ARID1B: variants seen among roughly 807,000 people sequenced by gnomAD.
ARID1B encodes the protein AT-rich interactive domain-containing protein 1B.
A neutral mutation model predicts 212.3 loss-of-function variants in ARID1B; 30 were observed. That is an observed-to-expected ratio of 0.14 (90% CI 0.11 to 0.19). ARID1B has a LOEUF of 0.19. Among genes scored for constraint, ARID1B ranks in the 10% least tolerant of loss-of-function variants. The pLI, the probability that ARID1B is intolerant of heterozygous loss-of-function variation, is 1.00. For synonymous variants in ARID1B, 1,402 were observed against 1,301.7 expected, an observed-to-expected ratio of 1.08 and a Z score of -1.66; for missense variants, 2,891 against 3,204.0, an observed-to-expected ratio of 0.90 and a Z score of 2.36.
chr6:156,965,292 T>G lies in ARID1B; in HGVS notation c.2247+29716T>G, dbSNP rs75273202. ...GAATGTGGTTGCACAGTTTATTTCA[T>G]TTTCTAAATTTTCTAGGCTTGCCCA... On this transcript the variant is annotated intron_variant, in intron 4 of 19. Coordinates refer to ENST00000636930, the MANE Select transcript of ARID1B (RefSeq NM_001374828.1). Among the ~76,000 whole-genome samples, 929 of 152,328 alleles carry G rather than the reference T, an allele frequency of 6.1e-3. 14 individuals are homozygous for G. Among genetic ancestry groups the G allele is most frequent in the African/African-American group, 0.022 (895 of 41,568 alleles).
intron 2 of ARID1B, among the ~76,000 whole-genome samples, chr6:156,897,613 C>T (rs947156042): frequency 6.6e-6 from 1 of 150,786 alleles, no homozygotes; most frequent in African/African-American, 2.5e-5. Flanking sequence ...ATGTTCTGAT[C>T]TGAGGCATTT....
intron 4 of ARID1B, among the ~76,000 whole-genome samples, chr6:156,964,590 A>G (rs1162556874): frequency 2.0e-5 from 3 of 152,240 alleles, no homozygotes; most frequent in African/African-American, 7.2e-5. Context: ...AAGGCCATAG[A>G]ATGTTATGTA....
At chr6:156,853,925 G>T (rs1467840071) in intron 2 of ARID1B, among the ~76,000 whole-genome samples, 3 of 152,022 alleles carry the variant, frequency 2.0e-5, no homozygotes, top group Non-Finnish European at 4.4e-5. Context: ...TGGAGATGGG[G>T]TCTCACTATG....
chr6:157,179,688 G>C, intron 11 of ARID1B, among the ~76,000 whole-genome samples: 1 of 152,266 alleles, frequency 6.6e-6, no homozygotes, highest in Middle Eastern at 3.4e-3. Flanking sequence ...TTCTGAAGCT[G>C]AAGGCTTAAA....
intron 7 of ARID1B, among the ~76,000 whole-genome samples, chr6:157,146,086 C>A (rs762483530): frequency 4.3e-4 from 65 of 152,246 alleles, no homozygotes; most frequent in South Asian, 8.3e-4. Flanking sequence ...CTCTATCCCC[C>A]CGTCAGCCAC....
At chr6:157,021,146 G>A (rs1254893617) in intron 4 of ARID1B, among the ~76,000 whole-genome samples, 1 of 152,120 alleles carries the variant, frequency 6.6e-6, no homozygotes, top group African/African-American at 2.4e-5. Flanking sequence ...AGGGTGTGAA[G>A]GACGCAGGAC....
At chr6:157,137,662 A>G (rs1789031888) in intron 7 of ARID1B, among the ~76,000 whole-genome samples, 1 of 152,214 alleles carries the variant, frequency 6.6e-6, no homozygotes, top group African/African-American at 2.4e-5. Context: ...GTGAGTAAGT[A>G]GAGTTACCTT....
chr6:157,098,418 G>T (rs1472074233), intron 5 of ARID1B, among the ~76,000 whole-genome samples: 1 of 152,210 alleles, frequency 6.6e-6, no homozygotes, highest in African/African-American at 2.4e-5. Context: ...CCCTCCACAA[G>T]TGGGTTTTCA....
At chr6:156,876,117 CT>C (rs1364309419) in intron 2 of ARID1B, among the ~76,000 whole-genome samples, 1 of 152,220 alleles carries the variant, frequency 6.6e-6, no homozygotes, top group African/African-American at 2.4e-5. Flanking sequence ...ATAGTGTTGA[CT>C]TTCCCGTGGT....
rs1239033211 is a variant in ARID1B at position 156,994,613 on chromosome 6, T to TC, written c.2247+59037_2247+59038insC. On this transcript the variant is annotated intron_variant, in intron 4 of 19. Transcript: ENST00000636930. ...GCAAAACTATTTTGAAAACATATGT[T>TC]AAGTCTGTAGGGTGAACGCACGCCC... Among the ~76,000 whole-genome samples, 4 of 152,088 alleles carry TC rather than the reference T, an allele frequency of 2.6e-5. No homozygotes were observed. In the East Asian group the frequency reaches 7.7e-4, roughly 29 times the overall value.
In ARID1B at chr6:156,897,191, ACTGCTGCTG is replaced by A. The variant is rs576037969; in HGVS notation, c.1987-4164_1987-4156del. Among the ~76,000 whole-genome samples the A allele has an allele frequency of 2.0e-3, 229 of 112,056 alleles. 2 individuals carry two copies. Among genetic ancestry groups the A allele is most frequent in the African/African-American group, 6.7e-3 (205 of 30,606 alleles). 73.5% of individuals were successfully genotyped at this position (112,056 alleles called of 152,430 possible). On this transcript the variant is annotated intron_variant, in intron 2 of 19. Transcript: ENST00000636930. ...AGCAAATTCTTCTTTTGCTGCTGCT[ACTGCTGCTG>A]CTGCTGCTGCTGCTGCTGCTTCTTC... is the stretch of plus-strand genomic sequence containing the variant.
rs2128046630 is a variant in ARID1B, at chr6:156,829,346, C to A, written c.1911C>A (p.Gly637=). 6.2e-7 allele frequency: 1 copy of A among 1,614,216 alleles called. No homozygotes were observed. Among genetic ancestry groups the A allele is most frequent in the Non-Finnish European group, 8.5e-7 (1 of 1,180,040 alleles). The part of the protein sequence containing the change: ...PYPGGSYGPP[G]PQRYPIGIQG... Reference sequence around the variant, plus strand: ...CAGGAGGTTCCTATGGCCCTCCAGGCCCACAGCGGTATCCAATTGGCATCC... The same window carrying A: ...CAGGAGGTTCCTATGGCCCTCCAGGACCACAGCGGTATCCAATTGGCATCC... The change falls in exon 2 of 20, where the codon GGC becomes GGA. Residue 637 remains glycine (G), a synonymous_variant. Coordinates refer to ENST00000636930, the MANE Select transcript of ARID1B (RefSeq NM_001374828.1).
intron 2 of ARID1B, among the ~76,000 whole-genome samples, chr6:156,897,507 C>T (rs1434093541): frequency 6.6e-6 from 1 of 151,798 alleles, no homozygotes; most frequent in Non-Finnish European, 1.5e-5. Flanking sequence ...CTCCTGACCT[C>T]AGTTGATCTG....
intron 4 of ARID1B, chr6:157,023,855 G>T (rs184600500): frequency 1.3e-5 from 2 of 152,286 alleles, no homozygotes; most frequent in South Asian, 4.1e-4. Context: ...GCCAAAGGTA[G>T]TCTTGATGTA....
intron 5 of ARID1B, 128 bp downstream of exon 5, chr6:157,085,033 C>A (rs1784876786): frequency 1.7e-6 from 2 of 1,205,012 alleles, no homozygotes. Flanking sequence ...TAACTGAATT[C>A]TCACCAAGGC....
chr6:156,781,426 A>G (rs887018507), intron 1 of ARID1B, among the ~76,000 whole-genome samples: 7 of 152,046 alleles, frequency 4.6e-5, no homozygotes, highest in African/African-American at 1.4e-4. Context: ...TGTTAATGCT[A>G]TGAAAGTTTA....
chr6:157,190,686 C>T lies in ARID1B; in HGVS notation c.4231+476C>T, dbSNP rs1294042791. On this transcript the variant is annotated intron_variant, in intron 15 of 19. Coordinates refer to ENST00000636930, the MANE Select transcript of ARID1B (RefSeq NM_001374828.1). The surrounding 1 kb of genome is among the most constrained non-coding windows in gnomAD (Gnocchi z 4.6). ...TGGATTGGTAAATCAGAGTCGCTGC[C>T]CACCTTCAGGGAATCACAGACTCCC... Among the ~76,000 whole-genome samples the T allele has an allele frequency of 6.6e-6, 1 of 152,154 alleles. No homozygotes were observed. Among genetic ancestry groups the T allele is most frequent in the Non-Finnish European group, 1.5e-5 (1 of 68,030 alleles).
intron 5 of ARID1B, among the ~76,000 whole-genome samples, chr6:157,096,557 C>G (rs966346520): frequency 6.6e-6 from 1 of 152,216 alleles, no homozygotes. Flanking sequence ...AGGTCGTGCT[C>G]GAGAACCTTC....
intron 4 of ARID1B, among the ~76,000 whole-genome samples, chr6:157,004,905 T>TTG (rs1779140241): frequency 9.5e-6 from 1 of 104,816 alleles, no homozygotes; most frequent in African/African-American, 4.3e-5. Flanking sequence ...TTCTTTTTTT[T>TTG]TTTTTTTTTT....
Sources: allele counts gnomAD v4.1 joint callset (sites outside exome capture counted in the v4.1 genomes callset), GRCh38; gene constraint gnomAD v4.1.1; non-coding constraint Gnocchi (gnomAD v3.1); transcripts MANE v1.5; gene names NCBI Gene and HGNC (gene_info 2026-07-23, HGNC 2026-07-21).